Variants in SPAG16 observed in about 807,000 individuals in gnomAD.
SPAG16 encodes sperm associated antigen 16.
In SPAG16, 86 loss-of-function variants were observed where a neutral mutation model predicts 80.4. The ratio of observed to expected loss-of-function variants is 1.07; its 90% confidence interval spans 0.90 to 1.28. The LOEUF is 1.28. SPAG16 is among the 50% of genes most tolerant of loss of function. The pLI is 0.00. For synonymous variants in SPAG16, 294 were observed against 265.9 expected (o/e 1.11, Z -1.03); for missense variants, 870 against 765.3 (o/e 1.14, Z -1.61).
At chr2:214,157,583 G>A (rs2056269946) in intron 15 of SPAG16, among the ~76,000 whole-genome samples, 1 of 151,950 alleles carries the variant, frequency 6.6e-6, no homozygotes. Context: ...TCATAGTTGT[G>A]CAGTTTTATA....
chr2:213,582,951 CA>C (rs1308268718), intron 10 of SPAG16, among the ~76,000 whole-genome samples: 1 of 152,038 alleles, frequency 6.6e-6, no homozygotes, highest in Non-Finnish European at 1.5e-5. Flanking sequence ...AACCATAACA[CA>C]AATGTAAAAA....
At chr2:213,339,023 T>G (rs1270533939) in intron 5 of SPAG16, among the ~76,000 whole-genome samples, 10 of 14,306 alleles carry the variant, frequency 7.0e-4, no homozygotes, top group Non-Finnish European at 2.6e-3. Context: ...GCCCCAGAAC[T>G]TAAAAAAAAA....
intron 12 of SPAG16, among the ~76,000 whole-genome samples, chr2:213,969,899 G>A (rs770868839): frequency 1.1e-4 from 17 of 152,026 alleles, no homozygotes; most frequent in Admixed American, 3.3e-4. Context: ...GTCTCACTCC[G>A]TTTGGGCTAT....
intron 10 of SPAG16, among the ~76,000 whole-genome samples, chr2:213,785,973 C>T (rs1303975277): frequency 6.6e-6 from 1 of 151,532 alleles, no homozygotes; most frequent in Admixed American, 6.6e-5. Context: ...CACCATTGCA[C>T]TCCAGCCTCG....
intron 11 of SPAG16, among the ~76,000 whole-genome samples, chr2:213,925,201 T>A (rs1310267847): frequency 6.6e-6 from 1 of 152,202 alleles, no homozygotes; most frequent in Non-Finnish European, 1.5e-5. Context: ...TCTACACAAA[T>A]ATTTCTATAT....
chr2:213,543,340 G>A (rs1353781886), intron 10 of SPAG16, among the ~76,000 whole-genome samples: 1 of 151,736 alleles, frequency 6.6e-6, no homozygotes, highest in Non-Finnish European at 1.5e-5. Context: ...TTGATCCCTT[G>A]TCAGTTTTAG....
chr2:213,700,816 GA>G (rs2065376823), intron 10 of SPAG16, among the ~76,000 whole-genome samples: 1 of 152,088 alleles, frequency 6.6e-6, no homozygotes, highest in African/African-American at 2.4e-5. Context: ...GGTTTCCTTA[GA>G]TATTCTCTAT....
chr2:214,369,912 T>C (rs527404095), intron 15 of SPAG16, among the ~76,000 whole-genome samples: 64 of 152,272 alleles, frequency 4.2e-4, no homozygotes, highest in African/African-American at 1.5e-3. Flanking sequence ...ACTAATCTGC[T>C]TCATCCTTTA....
In SPAG16 at chr2:213,949,179, T is replaced by TTTTTTTTTTTTTTTTTTTTTTTTTTTG. The variant is rs1553677674; in HGVS notation, c.1400+19048_1400+19049insTTTTTTTTTTTTGTTTTTTTTTTTTTT. 9.1e-4 allele frequency among the ~76,000 whole-genome samples: 33 copies of TTTTTTTTTTTTTTTTTTTTTTTTTTTG among 36,260 alleles called. 2 individuals carry two copies. The highest frequency in any genetic ancestry group is 1.4e-3 in the Admixed American group (3 of 2,094). 23.8% of individuals were successfully genotyped at this position (36,260 alleles called of 152,430 possible). A position where few individuals can be genotyped will look rare whatever the true frequency, so the allele number is the denominator to read the frequency against. On this transcript the variant is annotated intron_variant, in intron 12 of 15. Coordinates refer to ENST00000331683, the MANE Select transcript of SPAG16 (RefSeq NM_024532.5). ...TACTTAATTACAACAGTTTTTTTTT[T>TTTTTTTTTTTTTTTTTTTTTTTTTTTG]TTTTTTTTTTTTTTGAGGTAGAGTC...
At chr2:214,178,273 A>G (rs953241412) in intron 15 of SPAG16, among the ~76,000 whole-genome samples, 1 of 150,906 alleles carries the variant, frequency 6.6e-6, no homozygotes, top group Non-Finnish European at 1.5e-5. Flanking sequence ...ATATTTTTAT[A>G]ATAAACCAAT....
At chr2:213,614,406 G>T (rs2061531387) in intron 10 of SPAG16, among the ~76,000 whole-genome samples, 2 of 152,166 alleles carry the variant, frequency 1.3e-5, no homozygotes, top group African/African-American at 4.8e-5. Context: ...TAATCAACAG[G>T]CTTCTGTCAC....
At chr2:213,709,334 T>C (rs1179425702) in intron 10 of SPAG16, among the ~76,000 whole-genome samples, 2 of 152,158 alleles carry the variant, frequency 1.3e-5, no homozygotes, top group Non-Finnish European at 2.9e-5. Context: ...TTACATAACG[T>C]CTGTCTATAG....
In SPAG16 at chr2:213,872,267, C is replaced by T. The variant is rs1228187238; in HGVS notation, c.1214+9639C>T. On this transcript the variant is annotated intron_variant, in intron 11 of 15. Transcript: ENST00000331683. ...AAGAGAGAACCAGCTCTTATAACACCTTGACTTCAATCCAATGAAACTTAT... is the reference window on the plus strand; with the variant it reads ...AAGAGAGAACCAGCTCTTATAACACTTTGACTTCAATCCAATGAAACTTAT... Among the ~76,000 whole-genome samples the T allele has an allele frequency of 3.3e-5, 5 of 152,220 alleles. No homozygotes were observed. The East Asian group carries it at 5.8e-4, about 18-fold the overall frequency.
chr2:213,306,918 G>A (rs1411354754), intron 3 of SPAG16, among the ~76,000 whole-genome samples: 1 of 152,160 alleles, frequency 6.6e-6, no homozygotes, highest in Non-Finnish European at 1.5e-5. Flanking sequence ...CTGGTATTGT[G>A]ATTACTCACT....
intron 9 of SPAG16, among the ~76,000 whole-genome samples, chr2:213,421,750 A>G (rs1272173029): frequency 6.6e-6 from 1 of 152,112 alleles, no homozygotes; most frequent in African/African-American, 2.4e-5. Flanking sequence ...GGAGCTACCC[A>G]ATTTGGGTCT....
chr2:214,395,108 A>G (rs189925184), intron 15 of SPAG16, among the ~76,000 whole-genome samples: 2 of 152,322 alleles, frequency 1.3e-5, no homozygotes, highest in Admixed American at 6.5e-5. Flanking sequence ...TAATTCACTT[A>G]CTGAAGGACA....
chr2:213,792,955 C>A (rs183170830), intron 10 of SPAG16, among the ~76,000 whole-genome samples: 2 of 151,546 alleles, frequency 1.3e-5, no homozygotes, highest in East Asian at 3.9e-4. Flanking sequence ...GAGATGAAGT[C>A]TCACTCTTGT....
intron 13 of SPAG16, among the ~76,000 whole-genome samples, chr2:214,044,929 TG>T (rs1219757562): frequency 6.6e-6 from 1 of 152,210 alleles, no homozygotes; most frequent in African/African-American, 2.4e-5. Context: ...GGAAGTGCTC[TG>T]GGGCCCTAAA....
intron 15 of SPAG16, among the ~76,000 whole-genome samples, chr2:214,261,680 TA>T (rs1251691362): frequency 2.6e-5 from 4 of 152,236 alleles, no homozygotes; most frequent in African/African-American, 9.6e-5. Flanking sequence ...AGTAATTTTT[TA>T]TTTGTGCTTA....
Sources: allele counts gnomAD v4.1 joint callset (sites outside exome capture counted in the v4.1 genomes callset), GRCh38; gene constraint gnomAD v4.1.1; transcripts MANE v1.5; gene names NCBI Gene and HGNC (gene_info 2026-07-23, HGNC 2026-07-21).